CHSY1: variants seen among roughly 807,000 people sequenced by gnomAD.
CHSY1 encodes the protein N-acetylgalactosaminyl-proteoglycan 3-beta-glucuronosyltransferase 1.
In CHSY1, 13 loss-of-function variants were observed where a neutral mutation model predicts 59.8. The ratio of observed to expected loss-of-function variants is 0.22; its 90% CI spans 0.14 to 0.35. The LOEUF (loss-of-function observed/expected upper bound fraction) is 0.35. CHSY1 is among the 10% of genes least tolerant of loss of function. The probability of loss-of-function intolerance (pLI) is 1.00; values close to 1 mark genes in which losing one functional copy is unlikely to be tolerated. For missense variants in CHSY1, 947 were observed against 1,030.6 expected (o/e 0.92, Z 1.11); for synonymous variants, 459 against 401.2 (o/e 1.14, Z -1.72).
At chr15:101,246,382 TG>T in intron 1 of CHSY1, among the ~76,000 whole-genome samples, 1 of 148,520 alleles carries the variant, frequency 6.7e-6, no homozygotes, top group African/African-American at 2.5e-5. Flanking sequence ...ATCAAAACGT[TG>T]ATTAAAAAAA....
At position 101,178,018 on chromosome 15, in the gene CHSY1, C is replaced by A; in HGVS notation, c.1779G>T (p.Lys593Asn). The change falls in exon 3 of 3, where the codon AAG (lysine) becomes AAT (asparagine). Residue 593 changes from lysine to asparagine, a missense_variant. Physicochemically the swap from Lys to Asn is moderately conservative, Grantham distance 94. Coordinates refer to ENST00000254190, the MANE Select transcript of CHSY1 (RefSeq NM_014918.5). ...AAATCTGCATGTCGGCTTTAGGGTA[C>A]TTAATGCGGTAATCTCTCATCAGTT... ...QVELMRDYRI[K>N]YPKADMQILP... 2 of 1,614,186 alleles carry A rather than the reference C, an allele frequency of 1.2e-6. No individual in the cohort carries two copies. The highest frequency in any genetic ancestry group is 2.7e-5 in the African/African-American group (2 of 75,042).
In CHSY1 at chr15:101,236,860, C is replaced by G. The variant is rs566749211; in HGVS notation, c.321-1283G>C. 3.9e-3 allele frequency among the ~76,000 whole-genome samples: 552 copies of G among 140,198 alleles called. 3 individuals carry two copies. The highest frequency in any genetic ancestry group is 4.1e-3 in the Non-Finnish European group (270 of 66,260). 92.0% of individuals were successfully genotyped at this position (140,198 alleles called of 152,430 possible). ...ATAAATAAAATAATTTTAAAAACCCCTCTGTTTCTTTATAAATTACCTATT... is the reference window on the plus strand; with the variant it reads ...ATAAATAAAATAATTTTAAAAACCCGTCTGTTTCTTTATAAATTACCTATT... On this transcript the variant is annotated intron_variant, in intron 1 of 2. Coordinates refer to ENST00000254190, the MANE Select transcript of CHSY1 (RefSeq NM_014918.5).
rs150245745 is a variant in CHSY1, at chr15:101,177,709, C to G, written c.2088G>C (p.Thr696=). The change falls in exon 3 of 3, where the codon ACG becomes ACC. Residue 696 remains threonine (T), a synonymous_variant. Transcript: ENST00000254190. ...GGACAAGATCTCCCTTATAAATACA[C>G]GTGATGCCAAACCCATAGTTTCTCC... ...GFWRNYGFGI[T]CIYKGDLVRV... 5.6e-6 allele frequency: 9 copies of G among 1,614,068 alleles called. No homozygotes were observed. The highest frequency in any genetic ancestry group is 1.7e-5 in the Admixed American group (1 of 59,998).
intron 1 of CHSY1, among the ~76,000 whole-genome samples, chr15:101,247,914 G>A (rs1010956314): frequency 1.3e-5 from 2 of 152,112 alleles, no homozygotes; most frequent in Admixed American, 1.3e-4. Context: ...AGAGTTGTTG[G>A]AATGAAGAGG....
At chr15:101,215,994 A>G (rs1286547556) in intron 2 of CHSY1, among the ~76,000 whole-genome samples, 1 of 152,204 alleles carries the variant, frequency 6.6e-6, no homozygotes, top group Non-Finnish European at 1.5e-5. Context: ...ACCTCAGAGA[A>G]GATCACTTCA....
At chr15:101,183,139 A>G (rs972018383) in intron 2 of CHSY1, among the ~76,000 whole-genome samples, 8 of 152,202 alleles carry the variant, frequency 5.3e-5, no homozygotes, top group African/African-American at 1.9e-4. Context: ...CTAGAAGATC[A>G]TAACGATAAA....
intron 2 of CHSY1, among the ~76,000 whole-genome samples, chr15:101,204,358 C>T (rs1460285998): frequency 2.0e-5 from 3 of 151,372 alleles, no homozygotes; most frequent in Non-Finnish European, 2.9e-5. Flanking sequence ...CACTTGAACC[C>T]GGGAGATGGA....
chr15:101,224,763 T>C (rs1029796299), intron 2 of CHSY1, among the ~76,000 whole-genome samples: 1 of 152,176 alleles, frequency 6.6e-6, no homozygotes, highest in African/African-American at 2.4e-5. Flanking sequence ...GACTTTCCTA[T>C]CCCAGACAAC....
intron 2 of CHSY1, among the ~76,000 whole-genome samples, chr15:101,191,888 T>C (rs1226638671): frequency 6.6e-6 from 1 of 151,768 alleles, no homozygotes; most frequent in East Asian, 1.9e-4. Flanking sequence ...CATCCATCTA[T>C]CTACTCACTG....
At chr15:101,191,805 G>C (rs2038449863) in intron 2 of CHSY1, among the ~76,000 whole-genome samples, 1 of 152,048 alleles carries the variant, frequency 6.6e-6, no homozygotes, top group Non-Finnish European at 1.5e-5. Context: ...ATGTTAAGTA[G>C]ATTGTAGGGG....
intron 2 of CHSY1, among the ~76,000 whole-genome samples, chr15:101,228,291 CAGAG>C (rs1220213256): frequency 6.6e-6 from 1 of 151,636 alleles, no homozygotes; most frequent in African/African-American, 2.4e-5. Flanking sequence ...AAAACAGAAA[CAGAG>C]AGAAAGGGGC....
chr15:101,242,111 G>A (rs146114734), intron 1 of CHSY1, among the ~76,000 whole-genome samples: 78 of 152,300 alleles, frequency 5.1e-4, no homozygotes, highest in African/African-American at 1.8e-3. Flanking sequence ...ATCCACAGAT[G>A]TAGCAGATAG....
At chr15:101,228,394 T>A (rs763786479) in intron 2 of CHSY1, among the ~76,000 whole-genome samples, 42 of 152,066 alleles carry the variant, frequency 2.8e-4, no homozygotes, top group Non-Finnish European at 5.7e-4. Flanking sequence ...ACTCCAAGTA[T>A]GATAAACTCA....
chr15:101,184,985 G>C (rs146982845), intron 2 of CHSY1, among the ~76,000 whole-genome samples: 2,003 of 152,290 alleles, frequency 0.013, 44 homozygotes, highest in African/African-American at 0.046. Flanking sequence ...AGGGTGATGC[G>C]GGTTTAAGCA....
chr15:101,181,798 G>A (rs531696889), intron 2 of CHSY1, among the ~76,000 whole-genome samples: 1 of 152,294 alleles, frequency 6.6e-6, no homozygotes, highest in East Asian at 1.9e-4. Flanking sequence ...GGGGTTAGGA[G>A]TGCCGACTCC....
intron 2 of CHSY1, among the ~76,000 whole-genome samples, chr15:101,210,633 A>G (rs1054407904): frequency 1.3e-5 from 2 of 152,210 alleles, no homozygotes; most frequent in Admixed American, 6.5e-5. Context: ...GAAATAGACC[A>G]AGTCTTAGAA....
intron 2 of CHSY1, among the ~76,000 whole-genome samples, chr15:101,224,198 T>G (rs958217496): frequency 1.3e-5 from 2 of 152,230 alleles, no homozygotes; most frequent in African/African-American, 4.8e-5. Context: ...GATATACTTT[T>G]CAGAATGCAT....
At chr15:101,193,814 G>C (rs1416299008) in intron 2 of CHSY1, among the ~76,000 whole-genome samples, 1 of 152,242 alleles carries the variant, frequency 6.6e-6, no homozygotes, top group East Asian at 1.9e-4. Flanking sequence ...CACCAGGAGA[G>C]TGTGCATCTT....
chr15:101,188,459 C>A (rs1360910637), intron 2 of CHSY1, among the ~76,000 whole-genome samples: 1 of 152,170 alleles, frequency 6.6e-6, no homozygotes, highest in East Asian at 1.9e-4. Flanking sequence ...GCATGGTTAT[C>A]CCACTGTCCC....
Sources: gnomAD v4.1 joint callset for allele counts (sites outside exome capture counted in the v4.1 genomes callset) on GRCh38, gnomAD v4.1.1 for gene constraint, MANE v1.5 for transcripts, NCBI Gene and HGNC (gene_info 2026-07-23, HGNC 2026-07-21) for gene names.